Variants in C3orf49 observed in about 807,000 individuals in gnomAD.
The protein encoded by C3orf49 is chromosome 3 open reading frame 49.
C3orf49 carries 27 observed loss-of-function variants against 13.3 expected under a neutral mutation model. The ratio of observed to expected loss-of-function variants is 2.02; its 90% CI spans 1.49 to 2.79. C3orf49 has a LOEUF of 2.79. Among genes scored for constraint, C3orf49 ranks in the 30% most tolerant of loss-of-function variants. The probability of loss-of-function intolerance (pLI) is 0.00; values close to 1 mark genes in which losing one functional copy is unlikely to be tolerated. For synonymous variants in C3orf49, 87 were observed against 47.6 expected, an observed-to-expected ratio of 1.83 and a Z score of -3.40; for missense variants, 242 against 134.2, an observed-to-expected ratio of 1.80 and a Z score of -3.97.
At chr3:63,800,430 G>T in the C3orf49 span, among the ~76,000 whole-genome samples, 3 of 152,028 alleles carry the variant, frequency 2.0e-5, no homozygotes, top group Admixed American at 1.3e-4. Flanking sequence ...CATTGCGCTT[G>T]CTCAGCACAG....
chr3:63,823,287 A>C lies in C3orf49; in HGVS notation c.163A>C (p.Asn55His). 1.4e-6 allele frequency: 1 copy of C among 702,998 alleles called. No individual in the cohort carries two copies. The highest frequency in any genetic ancestry group is 2.6e-6 in the Non-Finnish European group (1 of 384,972). 43.5% of individuals were successfully genotyped at this position (702,998 alleles called of 1,614,324 possible). A position where few individuals can be genotyped will look rare whatever the true frequency, so the allele number is the denominator to read the frequency against. The change falls in exon 2 of 7, where the codon AAT (asparagine) becomes CAT (histidine). Residue 55 changes from asparagine to histidine, a missense_variant. Coordinates refer to ENST00000295896, the MANE Select transcript of C3orf49 (RefSeq NM_001355236.2). ...RAVSTNLLKQ[N>H]VLVPKEESSS... is the part of the protein sequence containing the mutation. ...TGTGTCTACCAACTTACTAAAACAA[A>C]ATGTATTGGTCCCTAAAGAGGAATC...
At chr3:63,789,088 A>C in the C3orf49 span, among the ~76,000 whole-genome samples, 32,127 of 152,158 alleles carry the variant, frequency 0.21, 3,378 homozygotes, top group East Asian at 0.26. Context: ...GCCTCACAGC[A>C]GAAGATGGGC....
chr3:63,782,258 T>C, the C3orf49 span, among the ~76,000 whole-genome samples: 10 of 152,222 alleles, frequency 6.6e-5, no homozygotes, highest in Non-Finnish European at 1.2e-4. Context: ...TTTCAGTTTT[T>C]AAGAAAACCC....
chr3:63,845,300 C>T (rs185838376), intron 6 of C3orf49, among the ~76,000 whole-genome samples: 100 of 152,290 alleles, frequency 6.6e-4, no homozygotes, highest in African/African-American at 2.3e-3. Flanking sequence ...CACATGACTT[C>T]TGGGTTCATA....
the C3orf49 span, among the ~76,000 whole-genome samples, chr3:63,787,767 T>C: frequency 6.6e-6 from 1 of 152,290 alleles, no homozygotes; most frequent in East Asian, 1.9e-4. Flanking sequence ...ATTGTATCTG[T>C]AATGATGCCA....
At chr3:63,808,799 C>T in the C3orf49 span, among the ~76,000 whole-genome samples, 1 of 152,292 alleles carries the variant, frequency 6.6e-6, no homozygotes. Flanking sequence ...CCCAGGTACA[C>T]TCAGCCCAGG....
chr3:63,805,949 GT>G, the C3orf49 span, among the ~76,000 whole-genome samples: 3 of 152,086 alleles, frequency 2.0e-5, no homozygotes, highest in Non-Finnish European at 4.4e-5. Context: ...TTTTGGTTTT[GT>G]TTTTTTATAC....
In C3orf49 at chr3:63,833,857, G is replaced by A. The variant is rs1182635489; in HGVS notation, c.849+2013G>A. 1.4e-4 allele frequency: 41 copies of A among 296,632 alleles called. No individual in the cohort carries two copies. In the Admixed American group the frequency reaches 2.0e-3, roughly 14 times the overall value. 18.4% of individuals were successfully genotyped at this position (296,632 alleles called of 1,614,324 possible). ...GTTAAAAACTACCTAGAATATTAAT[G>A]AGCACAAACATATGCAGCTTAAAAG... On this transcript the variant is annotated intron_variant, in intron 5 of 6. Transcript: ENST00000295896.
intron 6 of C3orf49, among the ~76,000 whole-genome samples, chr3:63,846,386 CTTACTAGTAACTTATTATTTAAAAATT>C (rs1435297290): frequency 1.3e-5 from 2 of 152,020 alleles, no homozygotes; most frequent in Non-Finnish European, 2.9e-5. Flanking sequence ...AATTCAGGGT[CTTACTAGTAACTTATTATTTAAAAATT>C]TTTATTTTTT....
At chr3:63,790,122 A>G in the C3orf49 span, among the ~76,000 whole-genome samples, 5 of 152,226 alleles carry the variant, frequency 3.3e-5, no homozygotes, top group Middle Eastern at 3.4e-3. Flanking sequence ...CTGAACCCAG[A>G]CCCAGCCTCA....
chr3:63,840,075 G>A (rs868453110), intron 5 of C3orf49, among the ~76,000 whole-genome samples: 1 of 152,092 alleles, frequency 6.6e-6, no homozygotes, highest in East Asian at 1.9e-4. Context: ...AAAAGACATC[G>A]TTACAGAGTT....
chr3:63,838,157 C>G (rs1209191319), intron 5 of C3orf49: 17 of 1,164,410 alleles, frequency 1.5e-5, no homozygotes, highest in Non-Finnish European at 2.1e-5. Context: ...CTATTGGTAA[C>G]AAAATAGACA....
At chr3:63,810,006 G>T in the C3orf49 span, among the ~76,000 whole-genome samples, 2 of 128,936 alleles carry the variant, frequency 1.6e-5, no homozygotes, top group Non-Finnish European at 3.1e-5. Flanking sequence ...AAAATTAGCC[G>T]GGGCATGGTG....
Position 63,831,849 on chromosome 3 carries a change from G to A in C3orf49, c.849+5G>A. On this transcript the variant is annotated splice_donor_5th_base_variant and intron_variant, in intron 5 of 6. Coordinates refer to ENST00000295896, the MANE Select transcript of C3orf49 (RefSeq NM_001355236.2). ...AGGAAGTATAAATTAAAAAATGTGTGTTTCCCATGTACCTGCTGCTGCTTC... is the reference window on the plus strand; with the variant it reads ...AGGAAGTATAAATTAAAAAATGTGTATTTCCCATGTACCTGCTGCTGCTTC... 1 of 698,070 alleles carries A rather than the reference G, an allele frequency of 1.4e-6. No homozygotes were observed. Among genetic ancestry groups the A allele is most frequent in the Non-Finnish European group, 2.6e-6 (1 of 383,398 alleles). 43.2% of individuals were successfully genotyped at this position (698,070 alleles called of 1,614,324 possible).
At chr3:63,791,422 G>A in the C3orf49 span, among the ~76,000 whole-genome samples, 1 of 152,160 alleles carries the variant, frequency 6.6e-6, no homozygotes, top group Non-Finnish European at 1.5e-5. Context: ...GATTGGTAAA[G>A]GCTACCCAGA....
chr3:63,815,617 T>C (rs1211044209), upstream of C3orf49, among the ~76,000 whole-genome samples: 1 of 152,158 alleles, frequency 6.6e-6, no homozygotes, highest in Non-Finnish European at 1.5e-5. Context: ...GATCTCAGCA[T>C]AGTTTGTCTC....
chr3:63,814,105 G>A, the C3orf49 span, among the ~76,000 whole-genome samples: 3 of 152,134 alleles, frequency 2.0e-5, no homozygotes, highest in African/African-American at 7.2e-5. Flanking sequence ...CTAATAACGG[G>A]CCAGGAGCCA....
chr3:63,827,268 C>G (rs1701475209), intron 2 of C3orf49: 1 of 181,362 alleles, frequency 5.5e-6, no homozygotes, highest in South Asian at 1.7e-4. Flanking sequence ...CAATGAATAC[C>G]CAAGGGAGGG....
At chr3:63,824,707 G>C (rs1028033026) in intron 2 of C3orf49, among the ~76,000 whole-genome samples, 1 of 151,998 alleles carries the variant, frequency 6.6e-6, no homozygotes, top group African/African-American at 2.4e-5. Flanking sequence ...AGGCATGGTG[G>C]CATGTGCCCG....
Sources: allele counts gnomAD v4.1 joint callset (sites outside exome capture counted in the v4.1 genomes callset), GRCh38; gene constraint gnomAD v4.1.1; transcripts MANE v1.5; gene names NCBI Gene and HGNC (gene_info 2026-07-23, HGNC 2026-07-21).